Variants in ANKRD31 observed in about 807,000 individuals in gnomAD.
ANKRD31 encodes ankyrin repeat domain-containing protein 31.
In ANKRD31, 147 loss-of-function variants were observed where a neutral mutation model predicts 186.0. The ratio of observed to expected loss-of-function variants is 0.79; its 90% CI spans 0.69 to 0.91. The LOEUF is 0.91. Ranked by LOEUF, ANKRD31 falls within the 40% of genes least tolerant of loss-of-function variation. The pLI is 0.00. For missense variants in ANKRD31, 1,986 were observed against 2,148.8 expected (o/e 0.92, Z 1.50); for synonymous variants, 673 against 736.4 (o/e 0.91, Z 1.39).
At chr5:75,107,853 C>T (rs932122945) in intron 20 of ANKRD31, among the ~76,000 whole-genome samples, 2 of 152,024 alleles carry the variant, frequency 1.3e-5, no homozygotes, top group Non-Finnish European at 2.9e-5. Flanking sequence ...AGTTCTAATC[C>T]TGCTGCCCCA....
At chr5:75,217,653 G>T (rs1476754160) in intron 3 of ANKRD31, among the ~76,000 whole-genome samples, 1 of 152,110 alleles carries the variant, frequency 6.6e-6, no homozygotes, top group Non-Finnish European at 1.5e-5. Flanking sequence ...GGGTATCACT[G>T]TATGTGAGAT....
At chr5:75,091,124 A>AT in intron 23 of ANKRD31, 137 bp downstream of exon 23, 2 of 880,930 alleles carry the variant, frequency 2.3e-6, no homozygotes, top group Non-Finnish European at 3.4e-6. Flanking sequence ...ATATGCATAC[A>AT]GCATATACAG....
At position 75,168,971 on chromosome 5, in the gene ANKRD31, C is replaced by A; in HGVS notation, c.1707+8G>T. ...GTATTTGTTCTGCAAATAAAAGCAT[C>A]ACAGTACCTTATAATGTCCATTCAT... On this transcript the variant is annotated splice_region_variant and intron_variant, in intron 11 of 25. Coordinates refer to ENST00000506364, the MANE Select transcript of ANKRD31 (RefSeq NM_001372053.1). 1 of 1,531,056 alleles carries A rather than the reference C, an allele frequency of 6.5e-7. No homozygotes were observed. Among genetic ancestry groups the A allele is most frequent in the Non-Finnish European group, 8.8e-7 (1 of 1,142,682 alleles). 94.8% of individuals were successfully genotyped at this position (1,531,056 alleles called of 1,614,324 possible). A position where few individuals can be genotyped will look rare whatever the true frequency, so the allele number is the denominator to read the frequency against.
intron 10 of ANKRD31, among the ~76,000 whole-genome samples, chr5:75,176,267 C>G (rs1252241599): frequency 2.0e-5 from 3 of 152,182 alleles, no homozygotes; most frequent in Admixed American, 2.0e-4. Context: ...CACCACAGCT[C>G]AAGGACGCCT....
chr5:75,188,060 T>C (rs1177262844), intron 10 of ANKRD31, among the ~76,000 whole-genome samples: 3 of 152,134 alleles, frequency 2.0e-5, no homozygotes, highest in Non-Finnish European at 4.4e-5. Context: ...CTTCATACTG[T>C]ATTTTTTCCA....
intron 21 of ANKRD31, among the ~76,000 whole-genome samples, chr5:75,106,826 A>T (rs985195359): frequency 1.3e-5 from 2 of 152,034 alleles, no homozygotes; most frequent in African/African-American, 4.8e-5. Context: ...CAAAATGGGG[A>T]TTAAAAATAA....
At chr5:75,072,032 G>C (rs769387684) in intron 25 of ANKRD31, among the ~76,000 whole-genome samples, 3 of 152,144 alleles carry the variant, frequency 2.0e-5, no homozygotes, top group Admixed American at 2.0e-4. Flanking sequence ...AATCCACTGT[G>C]TGAATTTTCA....
At chr5:75,154,370 G>T in intron 11 of ANKRD31, 25 bp from the exon 12 acceptor site, 1 of 1,518,158 alleles carries the variant, frequency 6.6e-7, no homozygotes, top group Non-Finnish European at 8.8e-7. Context: ...TTTATGTAAG[G>T]GAACCCAGAT....
intron 1 of ANKRD31, among the ~76,000 whole-genome samples, chr5:75,231,922 C>T (rs1403214353): frequency 4.6e-5 from 7 of 151,040 alleles, no homozygotes; most frequent in African/African-American, 1.5e-4. Flanking sequence ...CACACACACA[C>T]ACACACACAC....
chr5:75,229,692 C>T (rs541516421), intron 2 of ANKRD31, among the ~76,000 whole-genome samples: 1 of 151,812 alleles, frequency 6.6e-6, no homozygotes, highest in Non-Finnish European at 1.5e-5. Context: ...TGGTGAAACC[C>T]CGTCTCTACT....
chr5:75,180,394 A>C (rs1392027119), intron 10 of ANKRD31, among the ~76,000 whole-genome samples: 1 of 152,196 alleles, frequency 6.6e-6, no homozygotes, highest in Non-Finnish European at 1.5e-5. Context: ...TTTAAAGTTC[A>C]TATGGAACCA....
At chr5:75,218,763 C>T (rs1476073065) in intron 3 of ANKRD31, among the ~76,000 whole-genome samples, 1 of 152,126 alleles carries the variant, frequency 6.6e-6, no homozygotes, top group African/African-American at 2.4e-5. Flanking sequence ...CAGGATCAAG[C>T]AGGCCTTATC....
chr5:75,116,426 T>G (rs1748271418), intron 19 of ANKRD31, 140 bp downstream of exon 19: 1 of 270,430 alleles, frequency 3.7e-6, no homozygotes, highest in Non-Finnish European at 6.4e-6. Context: ...AAAAAATAAA[T>G]AAATAAATAA....
intron 6 of ANKRD31, among the ~76,000 whole-genome samples, chr5:75,198,142 G>C (rs1755592628): frequency 6.6e-6 from 1 of 152,090 alleles, no homozygotes; most frequent in African/African-American, 2.4e-5. Flanking sequence ...GGTCAAATTC[G>C]AGGTCTTCTA....
intron 7 of ANKRD31, among the ~76,000 whole-genome samples, chr5:75,194,354 T>C (rs536375945): frequency 1.3e-5 from 2 of 151,416 alleles, no homozygotes; most frequent in African/African-American, 4.9e-5. Context: ...TTTCCTACAC[T>C]TTACTCATAT....
At chr5:75,234,331 T>C (rs1031475479) in intron 1 of ANKRD31, among the ~76,000 whole-genome samples, 2 of 152,226 alleles carry the variant, frequency 1.3e-5, no homozygotes, top group Admixed American at 1.3e-4. Context: ...CCTATAGTGT[T>C]CCTGAATAGA....
intron 5 of ANKRD31, among the ~76,000 whole-genome samples, chr5:75,204,985 G>A (rs371111615): frequency 1.1e-3 from 162 of 152,242 alleles, no homozygotes; most frequent in African/African-American, 3.8e-3. Flanking sequence ...CTGTCCTCCC[G>A]CCTCAGCGCA....
Position 75,199,489 on chromosome 5 carries a change from G to C in ANKRD31, c.447+142C>G, listed in dbSNP as rs1755676784. Reference sequence around the variant, plus strand: ...AGAATAAACATGAAAGAGGTGATTAGACAAGAATAGATTTTTATCTACCGA... The same window carrying C: ...AGAATAAACATGAAAGAGGTGATTACACAAGAATAGATTTTTATCTACCGA... On this transcript the variant is annotated intron_variant, in intron 6 of 25. Transcript: ENST00000506364. 6 of 477,490 alleles carry C rather than the reference G, an allele frequency of 1.3e-5. No individual in the cohort carries two copies. The South Asian group carries it at 2.5e-4, about 20-fold the overall frequency. The allele number at this position is 477,490 out of a possible 1,614,324, so 29.6% of individuals were successfully genotyped here. A position where few individuals can be genotyped will look rare whatever the true frequency, so the allele number is the denominator to read the frequency against.
chr5:75,070,089 G>C (rs1744096063), intron 25 of ANKRD31, among the ~76,000 whole-genome samples: 1 of 152,062 alleles, frequency 6.6e-6, no homozygotes, highest in African/African-American at 2.4e-5. Context: ...GTCTGATGTG[G>C]GTTTTAAATC....
Sources: gnomAD v4.1 joint callset for allele counts (sites outside exome capture counted in the v4.1 genomes callset) on GRCh38, gnomAD v4.1.1 for gene constraint, MANE v1.5 for transcripts, NCBI Gene and HGNC (gene_info 2026-07-23, HGNC 2026-07-21) for gene names.